Variants in AOPEP observed in about 807,000 individuals in gnomAD.
AOPEP encodes the protein aminopeptidase O.
In AOPEP, 77 loss-of-function variants were observed where a neutral mutation model predicts 98.1. That is an observed-to-expected ratio of 0.78 (90% CI 0.65 to 0.95). The LOEUF (loss-of-function observed/expected upper bound fraction) is 0.95, where lower values mean the gene tolerates loss of function less well. Among genes scored for constraint, AOPEP ranks in the 40% least tolerant of loss-of-function variants. The pLI, the probability that AOPEP is intolerant of heterozygous loss-of-function variation, is 0.00. For synonymous variants in AOPEP, 346 were observed against 365.3 expected, an observed-to-expected ratio of 0.95 and a Z score of 0.60; for missense variants, 1,024 against 1,024.7, an observed-to-expected ratio of 1.00 and a Z score of 0.01.
intron 16 of AOPEP, chr9:95,086,227 C>T (rs2070676230): frequency 1.3e-5 from 17 of 1,270,458 alleles, no homozygotes; most frequent in Non-Finnish European, 1.6e-5. Flanking sequence ...CAGTCATCTG[C>T]ATGTGCTCCT....
chr9:94,819,042 T>C (rs1024514677), intron 5 of AOPEP, among the ~76,000 whole-genome samples: 2 of 152,152 alleles, frequency 1.3e-5, no homozygotes, highest in African/African-American at 4.8e-5. Context: ...ATCTTGTACC[T>C]GATCTTCAGG....
chr9:95,129,887 G>A, the AOPEP span, among the ~76,000 whole-genome samples: 1 of 152,132 alleles, frequency 6.6e-6, no homozygotes, highest in Non-Finnish European at 1.5e-5. Flanking sequence ...TGCTGGGTGT[G>A]CATCCCCTTG....
the AOPEP span, chr9:95,111,628 T>C: frequency 6.2e-7 from 1 of 1,614,118 alleles, no homozygotes; most frequent in African/African-American, 1.3e-5. Context: ...CAAAGGGACC[T>C]CCGCAGGACC....
intron 5 of AOPEP, among the ~76,000 whole-genome samples, chr9:94,857,334 G>C (rs1342830495): frequency 6.6e-6 from 1 of 152,096 alleles, no homozygotes; most frequent in Non-Finnish European, 1.5e-5. Context: ...CCTCATGTAT[G>C]TTCATCTTAA....
intron 5 of AOPEP, among the ~76,000 whole-genome samples, chr9:94,898,769 G>T (rs911596475): frequency 5.9e-5 from 9 of 151,760 alleles, no homozygotes; most frequent in African/African-American, 2.2e-4. Context: ...CAGTGAAACT[G>T]CGTCTCTACT....
At chr9:94,795,099 A>G (rs539376338) in intron 4 of AOPEP, among the ~76,000 whole-genome samples, 26 of 152,314 alleles carry the variant, frequency 1.7e-4, no homozygotes, top group Non-Finnish European at 1.0e-4. Context: ...ATAGATTATT[A>G]TTCCCATTTT....
intron 13 of AOPEP, among the ~76,000 whole-genome samples, chr9:95,014,760 C>T (rs1244337341): frequency 6.6e-6 from 1 of 152,188 alleles, no homozygotes; most frequent in Non-Finnish European, 1.5e-5. Flanking sequence ...GTTCCCCACT[C>T]AGAACTCTGG....
chr9:95,051,214 C>T (rs539635736), intron 13 of AOPEP, among the ~76,000 whole-genome samples: 21 of 151,472 alleles, frequency 1.4e-4, no homozygotes, highest in East Asian at 1.2e-3. Flanking sequence ...CTCAGCCTCC[C>T]GAGTAGCTGG....
At chr9:95,020,974 G>C (rs945904328) in intron 13 of AOPEP, among the ~76,000 whole-genome samples, 1 of 140,536 alleles carries the variant, frequency 7.1e-6, no homozygotes, top group African/African-American at 2.6e-5. Flanking sequence ...ATTTTGTTTT[G>C]AAATGCAGTA....
At chr9:95,125,144 G>A in the AOPEP span, 1 of 1,614,178 alleles carries the variant, frequency 6.2e-7, no homozygotes, top group Non-Finnish European at 8.5e-7. Context: ...CTGAATAGTG[G>A]CTATGATTTC....
chr9:94,891,290 T>C (rs1377751685), intron 5 of AOPEP, among the ~76,000 whole-genome samples: 1 of 152,248 alleles, frequency 6.6e-6, no homozygotes, highest in South Asian at 2.1e-4. Context: ...TTTTCTATCC[T>C]GTCACTTTCA....
At chr9:94,739,882 A>T (rs1254439896) in intron 1 of AOPEP, among the ~76,000 whole-genome samples, 1 of 152,166 alleles carries the variant, frequency 6.6e-6, no homozygotes, top group East Asian at 1.9e-4. Flanking sequence ...AGCCCTCCCC[A>T]TCTTGAGGGT....
At chr9:94,947,295 T>C (rs2057746767) in intron 7 of AOPEP, among the ~76,000 whole-genome samples, 1 of 151,902 alleles carries the variant, frequency 6.6e-6, no homozygotes, top group African/African-American at 2.4e-5. Flanking sequence ...GTTATTCTTT[T>C]AAGAGATGGG....
At chr9:95,033,311 G>A (rs551987634) in intron 13 of AOPEP, among the ~76,000 whole-genome samples, 1 of 152,082 alleles carries the variant, frequency 6.6e-6, no homozygotes, top group Non-Finnish European at 1.5e-5. Context: ...TGCTCAGCAT[G>A]TCTCTCCATG....
chr9:94,756,620 C>A (rs1020724138), intron 1 of AOPEP, among the ~76,000 whole-genome samples: 1 of 151,988 alleles, frequency 6.6e-6, no homozygotes, highest in Non-Finnish European at 1.5e-5. Context: ...GAGAACACTT[C>A]TTCCCCACTT....
At chr9:94,766,978 T>G (rs1207820449) in intron 2 of AOPEP, among the ~76,000 whole-genome samples, 1 of 152,168 alleles carries the variant, frequency 6.6e-6, no homozygotes, top group Non-Finnish European at 1.5e-5. Flanking sequence ...AACCAGATGT[T>G]AAAACATGTT....
chr9:95,140,281 G>A, the AOPEP span, among the ~76,000 whole-genome samples: 6 of 151,964 alleles, frequency 3.9e-5, no homozygotes, highest in Non-Finnish European at 8.8e-5. Flanking sequence ...TGGACAGGAC[G>A]CTCTCCCCTG....
At chr9:95,081,309 C>T (rs1356734841) in intron 15 of AOPEP, among the ~76,000 whole-genome samples, 2 of 152,226 alleles carry the variant, frequency 1.3e-5, no homozygotes, top group Non-Finnish European at 2.9e-5. Context: ...TCTGGGGAGA[C>T]CTTCATTGGC....
intron 9 of AOPEP, among the ~76,000 whole-genome samples, chr9:94,967,214 G>T (rs1227026576): frequency 6.6e-6 from 1 of 152,184 alleles, no homozygotes; most frequent in Admixed American, 6.5e-5. Flanking sequence ...AGTGACCGAG[G>T]ACTTGTACAA....
Sources: allele counts gnomAD v4.1 joint callset (sites outside exome capture counted in the v4.1 genomes callset), GRCh38; gene constraint gnomAD v4.1.1; transcripts MANE v1.5; gene names NCBI Gene and HGNC (gene_info 2026-07-23, HGNC 2026-07-21).